PC: variants seen among roughly 807,000 people sequenced by gnomAD.
PC encodes pyruvate carboxylase, mitochondrial.
A neutral mutation model predicts 107.8 loss-of-function variants in PC; 46 were observed. The observed-to-expected ratio is 0.43, with a 90% CI of 0.34 to 0.55. The LOEUF is 0.55. Among genes scored for constraint, PC ranks in the 20% least tolerant of loss-of-function variants. PC has a pLI of 0.04. For missense variants in PC, 1,241 were observed against 1,643.1 expected (o/e 0.76, Z 4.23); for synonymous variants, 662 against 684.7 (o/e 0.97, Z 0.52).
At chr11:66,899,189 C>T (rs1344028855) in intron 3 of PC, among the ~76,000 whole-genome samples, 1 of 151,896 alleles carries the variant, frequency 6.6e-6, no homozygotes. Context: ...CATTTCATAT[C>T]AACAGAATCA....
At chr11:66,946,212 T>C (rs1297263908) in intron 3 of PC, among the ~76,000 whole-genome samples, 1 of 152,060 alleles carries the variant, frequency 6.6e-6, no homozygotes, top group Non-Finnish European at 1.5e-5. Flanking sequence ...AACATGTAAC[T>C]GAGGCCAGGC....
At chr11:66,917,861 G>A (rs1948500004) in intron 3 of PC, among the ~76,000 whole-genome samples, 1 of 152,188 alleles carries the variant, frequency 6.6e-6, no homozygotes, top group Non-Finnish European at 1.5e-5. Flanking sequence ...CATACCCTGG[G>A]GTGAGCTGCA....
Position 66,858,882 on chromosome 11 carries a change from G to T in PC, c.1368+4892C>A. On this transcript the variant is annotated intron_variant, in intron 12 of 22. Coordinates refer to ENST00000393960, the MANE Select transcript of PC (RefSeq NM_001040716.2). This position sits in a 1 kb window ranked among gnomAD's most constrained non-coding sequence, Gnocchi z 5.9. ...GCCCCATGGTGGGAACAGCAGTGCC[G>T]AGGGGGGCCGCCCCGGGCCCTCGGA... The T allele has an allele frequency of 1.3e-6, 2 of 1,558,702 alleles. No homozygotes were observed. Among genetic ancestry groups the T allele is most frequent in the African/African-American group, 1.4e-5 (1 of 73,650 alleles).
chr11:66,945,424 G>T (rs1193047308), intron 3 of PC, among the ~76,000 whole-genome samples: 1 of 96,660 alleles, frequency 1.0e-5, no homozygotes, highest in Non-Finnish European at 2.2e-5. Flanking sequence ...GGTTTGGGGG[G>T]GCGGGTCGGA....
chr11:66,851,108 A>G lies in PC; in HGVS notation c.2155T>C (p.Ser719Pro). The stretch of plus-strand genomic sequence containing the variant: ...GCCAAGCCCATGTAGTACTGCAGTG[A>G]GTACTTGGTGCGGCTGGGGTCGGCC... Reference protein sequence around the residue: ...DVADPSRTKYSLQYYMGLAEE... With the variant: ...DVADPSRTKYPLQYYMGLAEE... The change falls in exon 17 of 23, where the codon TCA (serine) becomes CCA (proline). Residue 719 changes from serine (S) to proline (P), a missense_variant. By Grantham distance (74) the Ser-to-Pro change is moderately conservative. Around this residue, in one of 2 missense-constraint regions of PC, gnomAD observed 1,143 missense variants for 1,551.9 expected, o/e 0.74. Coordinates refer to ENST00000393960, the MANE Select transcript of PC (RefSeq NM_001040716.2). 6.2e-7 allele frequency: 1 copy of G among 1,613,366 alleles called. No homozygotes were observed. The highest frequency in any genetic ancestry group is 8.5e-7 in the Non-Finnish European group (1 of 1,180,024).
chr11:66,849,416 G>T, intron 21 of PC, 46 bp from the exon 22 acceptor site: 1 of 1,610,256 alleles, frequency 6.2e-7, no homozygotes, highest in South Asian at 1.1e-5. Context: ...CAAGGTGGGA[G>T]AGCAGTCCCC....
chr11:66,946,751 T>G (rs1949306316), intron 3 of PC, among the ~76,000 whole-genome samples: 1 of 152,070 alleles, frequency 6.6e-6, no homozygotes, highest in Non-Finnish European at 1.5e-5. Context: ...ATCGCATCAG[T>G]GCAAGCCAGC....
chr11:66,853,024 G>A (rs1056424359), intron 13 of PC, 188 bp from the exon 14 acceptor site: 26 of 698,440 alleles, frequency 3.7e-5, no homozygotes, highest in Middle Eastern at 3.9e-4. Context: ...TGAGGACCAC[G>A]TGGATGGAAA....
chr11:66,851,403 AG>A (rs1223692520), intron 16 of PC, 123 bp from the exon 17 acceptor site: 2 of 1,433,900 alleles, frequency 1.4e-6, no homozygotes, highest in African/African-American at 2.8e-5. Flanking sequence ...CTCGCCTGGC[AG>A]GGGGTGTGGC....
Position 66,850,914 on chromosome 11 carries a change from C to G in PC, c.2233G>C (p.Gly745Arg). Residue 745 changes from glycine (G) to arginine (R), a missense_variant, in exon 18 of 23, where the codon GGG becomes CGG. Physicochemically the swap from Gly to Arg is moderately radical, Grantham distance 125 (BLOSUM62 -2). Transcript: ENST00000393960. The stretch of plus-strand genomic sequence containing the variant: ...GTGCAGGCCGTGGGCTTCAGCAGCC[C>G]GGCCATGTCCTGGGGGAAGTGGGAG... Reference protein sequence around the residue: ...THILCIKDMAGLLKPTACTML... With the variant: ...THILCIKDMARLLKPTACTML... 1 of 1,608,852 alleles carries G rather than the reference C, an allele frequency of 6.2e-7. No homozygotes were observed. Among genetic ancestry groups the G allele is most frequent in the Non-Finnish European group, 8.5e-7 (1 of 1,179,950 alleles).
At chr11:66,854,662 G>A (rs565216742) in intron 12 of PC, among the ~76,000 whole-genome samples, 23 of 152,190 alleles carry the variant, frequency 1.5e-4, no homozygotes, top group African/African-American at 5.3e-4. Flanking sequence ...ACCTCCACGC[G>A]TCACTTATTC....
Position 66,870,118 on chromosome 11 carries a change from C to A in PC, c.903+184G>T, listed in dbSNP as rs1946661511. Among the ~76,000 whole-genome samples, 1 of 152,160 alleles carries A rather than the reference C, an allele frequency of 6.6e-6. No homozygotes were observed. The highest frequency in any genetic ancestry group is 2.4e-5 in the African/African-American group (1 of 41,440). ...TTGGCCTCTGGGCCAGGTGCCTCAACTGCACATGGGAAGGATGCCACAAAC... is the reference window on the plus strand; with the variant it reads ...TTGGCCTCTGGGCCAGGTGCCTCAAATGCACATGGGAAGGATGCCACAAAC... On this transcript the variant is annotated intron_variant, in intron 9 of 22. Transcript: ENST00000393960. The surrounding 1 kb of genome is among the most constrained non-coding windows in gnomAD (Gnocchi z 6.1).
intron 12 of PC, chr11:66,859,580 G>A: frequency 5.6e-6 from 9 of 1,604,748 alleles, no homozygotes; most frequent in Non-Finnish European, 7.7e-6. Context: ...GGAGTGGGGA[G>A]GTGAGGATGG....
intron 3 of PC, among the ~76,000 whole-genome samples, chr11:66,891,574 G>T (rs1947578198): frequency 6.6e-6 from 1 of 150,738 alleles, no homozygotes; most frequent in South Asian, 2.1e-4. Context: ...TGTATTTTTA[G>T]TAGAGACGGG....
chr11:66,898,904 T>C (rs1242010674), intron 3 of PC, among the ~76,000 whole-genome samples: 1 of 152,148 alleles, frequency 6.6e-6, no homozygotes, highest in African/African-American at 2.4e-5. Flanking sequence ...AGTTTCGCTC[T>C]TGTTGCCCGG....
Position 66,851,207 on chromosome 11 carries a change from T to C in PC, c.2056A>G (p.Met686Val). The change falls in exon 17 of 23, where the codon ATG becomes GTG. Residue 686 changes from methionine (M) to valine (V), a missense_variant. Coordinates refer to ENST00000393960, the MANE Select transcript of PC (RefSeq NM_001040716.2). ...CCTGCCGCCTCCATGCCCAGCAGCATGTTGGGCAAGTAGTTGAGGGAGTCA... is the reference window on the plus strand; with the variant it reads ...CCTGCCGCCTCCATGCCCAGCAGCACGTTGGGCAAGTAGTTGAGGGAGTCA... The part of the protein sequence containing the change: ...VFDSLNYLPN[M>V]LLGMEAAGSA... The C allele has an allele frequency of 2.5e-6, 4 of 1,609,184 alleles. No homozygotes were observed. Among genetic ancestry groups the C allele is most frequent in the African/African-American group, 1.3e-5 (1 of 75,046 alleles).
Position 66,866,361 on chromosome 11 carries a change from T to A in PC, c.1023-12A>T. 2 of 1,192,444 alleles carry A rather than the reference T, an allele frequency of 1.7e-6. No individual in the cohort carries two copies. The highest frequency in any genetic ancestry group is 1.1e-6 in the Non-Finnish European group (1 of 935,608). The allele number at this position is 1,192,444 out of a possible 1,614,324, so 73.9% of individuals were successfully genotyped here. A position where few individuals can be genotyped will look rare whatever the true frequency, so the allele number is the denominator to read the frequency against. On this transcript the variant is annotated splice_polypyrimidine_tract_variant and intron_variant, in intron 10 of 22. Coordinates refer to ENST00000393960, the MANE Select transcript of PC (RefSeq NM_001040716.2). This position sits in a 1 kb window ranked among gnomAD's most constrained non-coding sequence, Gnocchi z 5.4. ...GGACCAGGTCTACGCTGTAGGGCATTGGGGGGAGGGGGGAAAGGACGGGAG... is the reference window on the plus strand; with the variant it reads ...GGACCAGGTCTACGCTGTAGGGCATAGGGGGGAGGGGGGAAAGGACGGGAG...
chr11:66,855,200 C>G (rs1426798287), intron 12 of PC, among the ~76,000 whole-genome samples: 1 of 152,358 alleles, frequency 6.6e-6, no homozygotes, highest in South Asian at 2.1e-4. Flanking sequence ...GGTTGCCCAT[C>G]CTCTCCTCCA....
chr11:66,856,412 G>GGGCGGGGC (rs1420116522), intron 12 of PC, among the ~76,000 whole-genome samples: 3 of 152,086 alleles, frequency 2.0e-5, no homozygotes, highest in Middle Eastern at 3.4e-3. Context: ...GCTGGGGACA[G>GGGCGGGGC]GGCGGGGCGG....
Sources: allele counts gnomAD v4.1 joint callset (sites outside exome capture counted in the v4.1 genomes callset), GRCh38; gene constraint gnomAD v4.1.1; regional missense constraint gnomAD v4.1.1; non-coding constraint Gnocchi (gnomAD v3.1); transcripts MANE v1.5; gene names NCBI Gene and HGNC (gene_info 2026-07-23, HGNC 2026-07-21).